Variants in PXDNL observed in about 807,000 individuals in gnomAD.
The protein encoded by PXDNL is peroxidasin like, also known as probable oxidoreductase PXDNL.
In PXDNL, 145 loss-of-function variants were observed where a neutral mutation model predicts 150.8. That is an observed-to-expected ratio of 0.96 (90% CI 0.84 to 1.10). The LOEUF is 1.10. Ranked by LOEUF, PXDNL falls within the 50% of genes least tolerant of loss-of-function variation. The pLI, the probability that PXDNL is intolerant of heterozygous loss-of-function variation, is 0.00. For missense variants in PXDNL, 2,087 were observed against 1,873.9 expected, an observed-to-expected ratio of 1.11 and a Z score of -2.10; for synonymous variants, 757 against 725.7, an observed-to-expected ratio of 1.04 and a Z score of -0.69.
rs573867498 is a variant in PXDNL at position 51,642,989 on chromosome 8, T to A, written c.236+11700A>T. Among the ~76,000 whole-genome samples the A allele has an allele frequency of 4.6e-5, 7 of 152,270 alleles. No individual in the cohort carries two copies. The East Asian group carries it at 9.6e-4, about 21-fold the overall frequency. On this transcript the variant is annotated intron_variant, in intron 2 of 22. Coordinates refer to ENST00000356297, the MANE Select transcript of PXDNL (RefSeq NM_144651.5). ...ACCTAGGAATCCAACTTACAAGGGATGTGAAGGACCTCTTCAAGGAGAACT... is the reference window on the plus strand; with the variant it reads ...ACCTAGGAATCCAACTTACAAGGGAAGTGAAGGACCTCTTCAAGGAGAACT...
chr8:51,640,685 C>T (rs1331104061), intron 2 of PXDNL, among the ~76,000 whole-genome samples: 3 of 152,172 alleles, frequency 2.0e-5, no homozygotes, highest in African/African-American at 4.8e-5. Flanking sequence ...CTACAAAACA[C>T]TGCTCAGTGA....
intron 4 of PXDNL, among the ~76,000 whole-genome samples, chr8:51,529,539 C>T (rs1051988943): frequency 1.3e-5 from 2 of 152,190 alleles, no homozygotes; most frequent in Admixed American, 6.5e-5. Context: ...TCTCGATCTC[C>T]AGATGTCTGG....
intron 2 of PXDNL, among the ~76,000 whole-genome samples, chr8:51,643,619 G>A (rs943292082): frequency 8.5e-5 from 13 of 152,262 alleles, no homozygotes; most frequent in African/African-American, 3.1e-4. Context: ...ATACCATTCA[G>A]GACATAGGCA....
intron 4 of PXDNL, among the ~76,000 whole-genome samples, chr8:51,502,367 A>G (rs1245053118): frequency 1.3e-5 from 2 of 152,084 alleles, no homozygotes; most frequent in African/African-American, 4.8e-5. Flanking sequence ...GGAAACAGAT[A>G]CTCCACAGGG....
chr8:51,620,013 T>A (rs546811939), intron 2 of PXDNL, among the ~76,000 whole-genome samples: 2 of 152,206 alleles, frequency 1.3e-5, no homozygotes, highest in Non-Finnish European at 2.9e-5. Flanking sequence ...TTTTCTATTG[T>A]TAGCCTGTCT....
intron 2 of PXDNL, among the ~76,000 whole-genome samples, chr8:51,618,864 T>A (rs1275445228): frequency 1.3e-5 from 2 of 152,204 alleles, no homozygotes; most frequent in East Asian, 1.9e-4. Context: ...TCAAAAAATG[T>A]CGGTGGTTCT....
chr8:51,664,297 T>TTTGGTTTTG (rs2130817731), intron 1 of PXDNL, among the ~76,000 whole-genome samples: 1 of 152,284 alleles, frequency 6.6e-6, no homozygotes, highest in Admixed American at 6.5e-5. Flanking sequence ...AACCAAAGCA[T>TTTGGTTTTG]AACCTCTTGA....
chr8:51,809,332 G>C lies in PXDNL; in HGVS notation c.13C>G (p.Leu5Val). 6.4e-7 allele frequency: 1 copy of C among 1,552,742 alleles called. No homozygotes were observed. The highest frequency in any genetic ancestry group is 8.7e-7 in the Non-Finnish European group (1 of 1,149,472). MEPR[L>V]FCWTTLFLLA... ...AGAAAGAGAGTGGTCCAGCAGAACAGTCTGGGCTCCATCGCTCCATTCGCT... is the reference window on the plus strand; with the variant it reads ...AGAAAGAGAGTGGTCCAGCAGAACACTCTGGGCTCCATCGCTCCATTCGCT... Residue 5 changes from leucine (L) to valine (V), a missense_variant, in exon 1 of 23, where the codon CTG (leucine) becomes GTG (valine). Physicochemically the swap from Leu to Val is conservative, Grantham distance 32. Transcript: ENST00000356297.
intron 1 of PXDNL, among the ~76,000 whole-genome samples, chr8:51,786,758 A>C (rs79785245): frequency 0.035 from 5,269 of 152,344 alleles, 329 homozygotes; most frequent in East Asian, 0.29. Flanking sequence ...ATCACTGATG[A>C]AAGTGGCCAC....
At chr8:51,577,556 A>G (rs1813082694) in intron 3 of PXDNL, among the ~76,000 whole-genome samples, 1 of 145,824 alleles carries the variant, frequency 6.9e-6, no homozygotes, top group Non-Finnish European at 1.5e-5. Flanking sequence ...CTACAAATAC[A>G]TATATTTTAT....
At chr8:51,538,208 G>A (rs1468211605) in intron 4 of PXDNL, among the ~76,000 whole-genome samples, 2 of 152,174 alleles carry the variant, frequency 1.3e-5, no homozygotes, top group African/African-American at 2.4e-5. Context: ...ACAGGATGCT[G>A]TTTCCAGCCA....
intron 14 of PXDNL, among the ~76,000 whole-genome samples, chr8:51,415,118 A>T (rs1459181268): frequency 2.6e-5 from 4 of 152,210 alleles, no homozygotes; most frequent in Non-Finnish European, 4.4e-5. Context: ...CCTCTCATCC[A>T]GTAATTTCAA....
At chr8:51,612,754 G>GGT (rs1420776602) in intron 2 of PXDNL, among the ~76,000 whole-genome samples, 1 of 152,196 alleles carries the variant, frequency 6.6e-6, no homozygotes, top group East Asian at 1.9e-4. Flanking sequence ...TGGCCATGCT[G>GGT]GTGCCCTGAC....
chr8:51,604,579 A>T (rs1358253355), intron 2 of PXDNL, among the ~76,000 whole-genome samples: 1 of 152,176 alleles, frequency 6.6e-6, no homozygotes, highest in Non-Finnish European at 1.5e-5. Context: ...CAGCACACCA[A>T]CATGGCACAT....
chr8:51,563,589 T>C (rs1490817343), intron 3 of PXDNL, among the ~76,000 whole-genome samples: 1 of 152,016 alleles, frequency 6.6e-6, no homozygotes, highest in Admixed American at 6.6e-5. Flanking sequence ...CTGAATGGAC[T>C]CTATTTACCC....
chr8:51,416,888 GATA>G (rs1481031844), intron 14 of PXDNL, among the ~76,000 whole-genome samples: 2 of 152,128 alleles, frequency 1.3e-5, no homozygotes, highest in African/African-American at 4.8e-5. Context: ...AAACATTCTT[GATA>G]ATAAAGCTTT....
At chr8:51,768,728 C>T (rs1467187644) in intron 1 of PXDNL, among the ~76,000 whole-genome samples, 1 of 152,170 alleles carries the variant, frequency 6.6e-6, no homozygotes, top group African/African-American at 2.4e-5. Flanking sequence ...ATTATAACTA[C>T]AAAACACAGA....
chr8:51,426,365 C>G (rs932939394), intron 13 of PXDNL, among the ~76,000 whole-genome samples: 2 of 151,776 alleles, frequency 1.3e-5, no homozygotes, highest in African/African-American at 4.8e-5. Flanking sequence ...GTGTCAAAAC[C>G]AATTTTCCTT....
chr8:51,681,667 G>A (rs1441903961), intron 1 of PXDNL, among the ~76,000 whole-genome samples: 3 of 152,242 alleles, frequency 2.0e-5, no homozygotes, highest in Admixed American at 2.0e-4. Flanking sequence ...ATATTGTTAT[G>A]AGGTTGTGAC....
Sources: gnomAD v4.1 joint callset for allele counts (sites outside exome capture counted in the v4.1 genomes callset) on GRCh38, gnomAD v4.1.1 for gene constraint, MANE v1.5 for transcripts, NCBI Gene and HGNC (gene_info 2026-07-23, HGNC 2026-07-21) for gene names.